Variants in TSPAN9 observed in about 807,000 individuals in gnomAD.
TSPAN9 encodes tetraspanin 9.
TSPAN9 carries 16 observed loss-of-function variants against 31.0 expected under a neutral mutation model. That is an observed-to-expected ratio of 0.52 (90% confidence interval 0.35 to 0.78). TSPAN9 has a LOEUF of 0.78. Among genes scored for constraint, TSPAN9 ranks in the 30% least tolerant of loss-of-function variants. The pLI, the probability that TSPAN9 is intolerant of heterozygous loss-of-function variation, is 0.01. For missense variants in TSPAN9, 272 were observed against 312.5 expected (o/e 0.87, Z 0.98); for synonymous variants, 145 against 121.6 (o/e 1.19, Z -1.27).
chr12:3,130,628 C>G (rs1056691383), intron 2 of TSPAN9, among the ~76,000 whole-genome samples: 1 of 152,090 alleles, frequency 6.6e-6, no homozygotes, highest in Non-Finnish European at 1.5e-5. Flanking sequence ...CGGGCAAGCT[C>G]CTGAACCTCT....
At chr12:3,244,870 T>C (rs2098398635) in intron 3 of TSPAN9, among the ~76,000 whole-genome samples, 1 of 152,100 alleles carries the variant, frequency 6.6e-6, no homozygotes, top group South Asian at 2.1e-4. Flanking sequence ...CCTCCCCTGC[T>C]CCTCCTGGGG....
At chr12:3,089,942 T>C (rs2098303388) in intron 2 of TSPAN9, among the ~76,000 whole-genome samples, 1 of 142,528 alleles carries the variant, frequency 7.0e-6, no homozygotes, top group Admixed American at 6.8e-5. Context: ...AAAAGCATCC[T>C]TTTTTTTGTT....
intron 2 of TSPAN9, among the ~76,000 whole-genome samples, chr12:3,184,170 GCT>G (rs1491396025): frequency 3.3e-5 from 5 of 152,068 alleles, no homozygotes; most frequent in Admixed American, 3.3e-4. Context: ...TGGGCAGCTC[GCT>G]TGAGTTCAGG....
At chr12:3,258,408 G>C (rs1418189005) in intron 3 of TSPAN9, among the ~76,000 whole-genome samples, 2 of 152,186 alleles carry the variant, frequency 1.3e-5, no homozygotes, top group African/African-American at 4.8e-5. Flanking sequence ...TCTCCTTTGA[G>C]ATGGGGAAAG....
At chr12:3,266,200 G>A (rs912624743) in intron 3 of TSPAN9, among the ~76,000 whole-genome samples, 3 of 152,192 alleles carry the variant, frequency 2.0e-5, no homozygotes, top group Non-Finnish European at 4.4e-5. Context: ...ATGGGAAAGA[G>A]CCAGGCAGAT....
chr12:3,271,544 GAAA>G (rs10709802), intron 3 of TSPAN9, among the ~76,000 whole-genome samples: 6 of 143,422 alleles, frequency 4.2e-5, no homozygotes, highest in Non-Finnish European at 6.1e-5. Context: ...GAGGTATGCA[GAAA>G]AAAAAAAAAA....
At chr12:3,273,973 T>C (rs1236019561) in intron 3 of TSPAN9, among the ~76,000 whole-genome samples, 1 of 152,136 alleles carries the variant, frequency 6.6e-6, no homozygotes, top group Non-Finnish European at 1.5e-5. Flanking sequence ...CACATCAGAT[T>C]CTTTCTCCAA....
chr12:3,127,530 T>C (rs2098327910), intron 2 of TSPAN9, among the ~76,000 whole-genome samples: 1 of 151,974 alleles, frequency 6.6e-6, no homozygotes, highest in African/African-American at 2.4e-5. Flanking sequence ...TAATTTTTTG[T>C]ATTTTTAGTA....
intron 2 of TSPAN9, among the ~76,000 whole-genome samples, chr12:3,178,033 T>G (rs564885704): frequency 2.0e-5 from 3 of 152,248 alleles, no homozygotes; most frequent in South Asian, 4.1e-4. Context: ...TGGCATGGTG[T>G]CATGGGCACA....
chr12:3,238,663 C>T (rs1430539007), intron 3 of TSPAN9, among the ~76,000 whole-genome samples: 1 of 152,160 alleles, frequency 6.6e-6, no homozygotes, highest in African/African-American at 2.4e-5. Flanking sequence ...AAGACTCATG[C>T]CTTCATTTCT....
intron 2 of TSPAN9, among the ~76,000 whole-genome samples, chr12:3,104,659 T>C (rs990607016): frequency 3.3e-5 from 5 of 152,202 alleles, no homozygotes; most frequent in African/African-American, 1.2e-4. Flanking sequence ...TGGCCTCTAA[T>C]CACTGTTAGC....
At chr12:3,096,874 A>G (rs2098309359) in intron 2 of TSPAN9, among the ~76,000 whole-genome samples, 1 of 151,544 alleles carries the variant, frequency 6.6e-6, no homozygotes, top group Non-Finnish European at 1.5e-5. Context: ...GTTTTTTTGT[A>G]TTTTTAGTAG....
chr12:3,167,973 A>C (rs935354382), intron 2 of TSPAN9, among the ~76,000 whole-genome samples: 2 of 152,168 alleles, frequency 1.3e-5, no homozygotes, highest in African/African-American at 4.8e-5. Flanking sequence ...GGGTCAGGTC[A>C]TGGGCCTGTC....
At chr12:3,257,927 C>T (rs1314085741) in intron 3 of TSPAN9, among the ~76,000 whole-genome samples, 1 of 152,074 alleles carries the variant, frequency 6.6e-6, no homozygotes, top group African/African-American at 2.4e-5. Context: ...CAGGCCCTTC[C>T]CCCCAGGCAG....
intron 3 of TSPAN9, among the ~76,000 whole-genome samples, chr12:3,226,631 T>C (rs2098387258): frequency 7.0e-6 from 1 of 143,720 alleles, no homozygotes; most frequent in Admixed American, 7.1e-5. Context: ...AGACCCCATC[T>C]CTTAAAAAAA....
intron 3 of TSPAN9, among the ~76,000 whole-genome samples, chr12:3,227,568 G>A (rs61907334): frequency 0.23 from 34,958 of 152,130 alleles, 4,204 homozygotes; most frequent in South Asian, 0.26. Flanking sequence ...CCAGGAAGCC[G>A]CAGGTACCTG....
intron 2 of TSPAN9, among the ~76,000 whole-genome samples, chr12:3,145,275 C>T (rs1175493247): frequency 6.6e-6 from 1 of 152,200 alleles, no homozygotes; most frequent in Admixed American, 6.5e-5. Context: ...GCTCAAGGCT[C>T]TCTCCCGTTG....
chr12:3,196,043 G>A (rs1366991693), intron 2 of TSPAN9, among the ~76,000 whole-genome samples: 1 of 152,290 alleles, frequency 6.6e-6, no homozygotes, highest in Non-Finnish European at 1.5e-5. Context: ...TGAGGCCCAC[G>A]CCTTGTCTTA....
chr12:3,211,830 A>G, intron 3 of TSPAN9: 1 of 1,592,680 alleles, frequency 6.3e-7, no homozygotes, highest in African/African-American at 1.3e-5. Context: ...ATGAAGTAGG[A>G]ATTGGGGCTC....
Sources: gnomAD v4.1 joint callset for allele counts (sites outside exome capture counted in the v4.1 genomes callset) on GRCh38, gnomAD v4.1.1 for gene constraint, MANE v1.5 for transcripts, NCBI Gene and HGNC (gene_info 2026-07-23, HGNC 2026-07-21) for gene names.